Variants in ZNF254 observed in about 807,000 individuals in gnomAD.
The protein encoded by ZNF254 is zinc finger protein 254, also known as CTD-2017D11.1.
ZNF254 carries 10 observed loss-of-function variants against 12.4 expected under a neutral mutation model. That is an observed-to-expected ratio of 0.80 (90% CI 0.50 to 1.36). ZNF254 has a LOEUF of 1.36. Among genes scored for constraint, ZNF254 ranks in the 40% most tolerant of loss-of-function variants. The probability of loss-of-function intolerance (pLI) is 0.00; values close to 1 mark genes in which losing one functional copy is unlikely to be tolerated. For synonymous variants in ZNF254, 305 were observed against 253.4 expected (o/e 1.20, Z -1.93); for missense variants, 996 against 763.9 (o/e 1.30, Z -3.58).
At chr19:24,117,296 G>C (rs1313486578) in intron 3 of ZNF254, among the ~76,000 whole-genome samples, 1 of 152,176 alleles carries the variant, frequency 6.6e-6, no homozygotes, top group African/African-American at 2.4e-5. Context: ...TGCCCCCAGA[G>C]GTGGAGCCTA....
intron 1 of ZNF254, among the ~76,000 whole-genome samples, chr19:24,088,806 G>A (rs952310149): frequency 1.3e-5 from 2 of 151,526 alleles, no homozygotes; most frequent in African/African-American, 2.4e-5. Context: ...ATAGGCGCCC[G>A]CCCCCACGCC....
chr19:24,113,213 G>C (rs1039925092), intron 3 of ZNF254, among the ~76,000 whole-genome samples: 5 of 152,108 alleles, frequency 3.3e-5, no homozygotes, highest in African/African-American at 4.8e-5. Context: ...CCAAAGCCGG[G>C]CAGAGACACA....
chr19:24,064,377 C>G (rs968540253), intron 2 of ZNF254, among the ~76,000 whole-genome samples: 1 of 152,092 alleles, frequency 6.6e-6, no homozygotes, highest in Non-Finnish European at 1.5e-5. Flanking sequence ...TGAAATACTG[C>G]TGGACCAACA....
chr19:24,127,634 C>G lies in ZNF254; in HGVS notation c.1634C>G (p.Pro545Arg). 1.2e-6 allele frequency: 2 copies of G among 1,610,736 alleles called. No homozygotes were observed. The highest frequency in any genetic ancestry group is 1.7e-6 in the Non-Finnish European group (2 of 1,178,290). ...KHKIIHTEEK[P>R]YKCEKCGKAF... Reference sequence around the variant, plus strand: ...AAGATAATTCATACTGAAGAGAAACCCTACAAATGTGAAAAATGTGGCAAA... The same window carrying G: ...AAGATAATTCATACTGAAGAGAAACGCTACAAATGTGAAAAATGTGGCAAA... Residue 545 changes from proline to arginine, a missense_variant, in exon 4 of 4, where the codon CCC becomes CGC. By Grantham distance (103) the Pro-to-Arg change is moderately radical. Transcript: ENST00000357002.
intron 2 of ZNF254, among the ~76,000 whole-genome samples, chr19:24,070,445 T>A (rs1245164496): frequency 6.6e-6 from 1 of 152,168 alleles, no homozygotes; most frequent in Non-Finnish European, 1.5e-5. Context: ...TTGACTCCCA[T>A]GTGTGGATCT....
intron 3 of ZNF254, among the ~76,000 whole-genome samples, chr19:24,115,346 T>A (rs186102594): frequency 7.9e-4 from 121 of 152,246 alleles, no homozygotes; most frequent in African/African-American, 2.7e-3. Context: ...TATGCAGCCA[T>A]CAATAATGAT....
At position 24,129,315 on chromosome 19, in the gene ZNF254, C is replaced by G. The variant is rs1003901836; in HGVS notation, c.*1335C>G. On this transcript the variant is annotated 3_prime_UTR_variant, in exon 4 of 4. Transcript: ENST00000357002. The stretch of plus-strand genomic sequence containing the variant: ...TAAATTATGTGTGAACTTAGCTTTT[C>G]AATTCAACATTTTTAACATATTAAA... 1.3e-5 allele frequency: 2 copies of G among 151,942 alleles called. No homozygotes were observed. Among genetic ancestry groups the G allele is most frequent in the African/African-American group, 4.8e-5 (2 of 41,408 alleles). The allele number at this position is 151,942 out of a possible 1,614,324, so 9.4% of individuals were successfully genotyped here.
At chr19:24,115,610 C>G (rs2145898422) in intron 3 of ZNF254, among the ~76,000 whole-genome samples, 1 of 151,856 alleles carries the variant, frequency 6.6e-6, no homozygotes, top group African/African-American at 2.4e-5. Flanking sequence ...ACCAGCATGG[C>G]ACATGTATAC....
intron 2 of ZNF254, among the ~76,000 whole-genome samples, chr19:24,062,131 G>A (rs1404845680): frequency 6.6e-6 from 1 of 151,336 alleles, no homozygotes; most frequent in African/African-American, 2.4e-5. Flanking sequence ...AAATCCTGGT[G>A]GTCTCTCTGT....
At chr19:24,123,109 C>T (rs1974597912) in intron 3 of ZNF254, among the ~76,000 whole-genome samples, 1 of 152,128 alleles carries the variant, frequency 6.6e-6, no homozygotes, top group South Asian at 2.1e-4. Context: ...TTAAGTCTGT[C>T]TGTTGCATTG....
At chr19:24,073,790 G>T (rs1971563674) in intron 2 of ZNF254, among the ~76,000 whole-genome samples, 1 of 152,212 alleles carries the variant, frequency 6.6e-6, no homozygotes. Context: ...CTTTGAGATT[G>T]TAACTGATGT....
At chr19:24,109,369 TGTTA>T (rs1973527099) in intron 3 of ZNF254, among the ~76,000 whole-genome samples, 1 of 152,224 alleles carries the variant, frequency 6.6e-6, no homozygotes, top group Non-Finnish European at 1.5e-5. Flanking sequence ...ACAAATTGTT[TGTTA>T]ATGTACATTA....
At chr19:24,124,256 C>T (rs562041324) in intron 3 of ZNF254, among the ~76,000 whole-genome samples, 4 of 151,924 alleles carry the variant, frequency 2.6e-5, no homozygotes, top group East Asian at 1.9e-4. Context: ...TATACCTTCC[C>T]TCAAATTTGT....
chr19:24,092,778 C>T (rs1191582013), intron 1 of ZNF254, among the ~76,000 whole-genome samples: 1 of 152,192 alleles, frequency 6.6e-6, no homozygotes, highest in Non-Finnish European at 1.5e-5. Context: ...CACCCTTGTG[C>T]ATGTGTGTTT....
At chr19:24,036,320 G>C (rs1247028777) in intron 1 of ZNF254, among the ~76,000 whole-genome samples, 2 of 152,060 alleles carry the variant, frequency 1.3e-5, no homozygotes, top group African/African-American at 4.8e-5. Flanking sequence ...GCCTCCCAAA[G>C]TGCTGGGATT....
intron 1 of ZNF254, among the ~76,000 whole-genome samples, chr19:24,038,798 G>A (rs67405910): frequency 0.16 from 24,236 of 152,028 alleles, 2,077 homozygotes; most frequent in Middle Eastern, 0.22. Context: ...AGATTTCTAC[G>A]AAAATTACTA....
Position 24,087,273 on chromosome 19 carries a change from C to T in ZNF254, c.-35C>T, listed in dbSNP as rs1972080276. On this transcript the variant is annotated 5_prime_UTR_variant, in exon 1 of 4. Coordinates refer to ENST00000357002, the MANE Select transcript of ZNF254 (RefSeq NM_203282.4). ...TCCTAGAGGCCCAGCCTCTGTGGCG[C>T]TGTTACCAGCAGGTATTGGAGATCC... 2 of 1,612,906 alleles carry T rather than the reference C, an allele frequency of 1.2e-6. No individual in the cohort carries two copies. The highest frequency in any genetic ancestry group is 2.7e-5 in the African/African-American group (2 of 75,026).
intron 3 of ZNF254, among the ~76,000 whole-genome samples, chr19:24,122,010 T>C (rs1974515544): frequency 6.6e-6 from 1 of 152,186 alleles, no homozygotes; most frequent in Non-Finnish European, 1.5e-5. Flanking sequence ...AGAAACACTT[T>C]TGGATTTGAA....
In ZNF254 at chr19:24,106,742, A is replaced by T. The variant is rs554206239; in HGVS notation, c.253+99A>T. 6 of 1,134,972 alleles carry T rather than the reference A, an allele frequency of 5.3e-6. No homozygotes were observed. The South Asian group carries it at 9.0e-5, about 17-fold the overall frequency. 70.3% of individuals were successfully genotyped at this position (1,134,972 alleles called of 1,614,324 possible). On this transcript the variant is annotated intron_variant, in intron 3 of 3. Transcript: ENST00000357002. ...GATTTAAGAAGCTGTGATCCAAAGG[A>T]AATAGTTTCTGGGAAGCCTAAATTT...
Sources: allele counts gnomAD v4.1 joint callset (sites outside exome capture counted in the v4.1 genomes callset), GRCh38; gene constraint gnomAD v4.1.1; transcripts MANE v1.5; gene names NCBI Gene and HGNC (gene_info 2026-07-23, HGNC 2026-07-21).